Variants in XPO1 observed in about 807,000 individuals in gnomAD.
XPO1 encodes exportin-1.
A neutral mutation model predicts 133.3 loss-of-function variants in XPO1; 5 were observed. That is an observed-to-expected ratio of 0.04 (90% CI 0.02 to 0.08). The LOEUF is 0.08. Ranked by LOEUF, XPO1 falls within the 10% of genes least tolerant of loss-of-function variation. The pLI, the probability that XPO1 is intolerant of heterozygous loss-of-function variation, is 1.00. For missense variants in XPO1, 506 were observed against 1,267.5 expected (o/e 0.40, Z 9.12); for synonymous variants, 419 against 408.2 (o/e 1.03, Z -0.32).
chr2:61,516,132 A>T (rs928550456), intron 4 of XPO1, among the ~76,000 whole-genome samples: 5 of 135,036 alleles, frequency 3.7e-5, no homozygotes, highest in African/African-American at 1.5e-4. Flanking sequence ...TCGCAAAATT[A>T]AAAAAAAACA....
intron 3 of XPO1, chr2:61,525,661 A>C: frequency 9.8e-7 from 1 of 1,024,374 alleles, no homozygotes; most frequent in East Asian, 6.4e-5. Context: ...ACTTAAGGTT[A>C]GCACTTTGAG....
At position 61,495,509 on chromosome 2, in the gene XPO1, C is replaced by T. The variant is rs754469111; in HGVS notation, c.993G>A (p.Lys331=). The change falls in exon 11 of 25, where the codon AAG becomes AAA. Residue 331 remains lysine, a synonymous_variant. Transcript: ENST00000401558. ...TTTTTTCTATAAGTTGATCATGTTC[C>T]TTAAGAAAGGTGCAGAGAAACAAAC... The part of the protein sequence containing the change: ...NLSLFLCTFL[K]EHDQLIEKRL... The T allele has an allele frequency of 1.9e-6, 3 of 1,586,762 alleles. No homozygotes were observed. Among genetic ancestry groups the T allele is most frequent in the Admixed American group, 1.7e-5 (1 of 58,736 alleles).
chr2:61,526,538 A>G lies in XPO1; in HGVS notation c.127-17T>C. ...CATTCTTTGCTAAAATATTATTAAA[A>G]AAAACAAAACTTAAGCTAATGTATT... On this transcript the variant is annotated splice_polypyrimidine_tract_variant and intron_variant, in intron 2 of 24. Coordinates refer to ENST00000401558, the MANE Select transcript of XPO1 (RefSeq NM_003400.4). 6.5e-7 allele frequency: 1 copy of G among 1,542,884 alleles called. No homozygotes were observed. Among genetic ancestry groups the G allele is most frequent in the Non-Finnish European group, 8.7e-7 (1 of 1,152,520 alleles).
At chr2:61,518,488 G>A (rs1350943124) in intron 4 of XPO1, among the ~76,000 whole-genome samples, 2 of 149,556 alleles carry the variant, frequency 1.3e-5, no homozygotes, top group Non-Finnish European at 3.0e-5. Context: ...GTGGTGGCAG[G>A]CGCCTGCAGT....
Position 61,478,603 on chromosome 2 carries a change from A to C in XPO1, c.*217T>G. The C allele has an allele frequency of 2.0e-6, 1 of 496,072 alleles. No homozygotes were observed. The allele number at this position is 496,072 out of a possible 1,614,324, so 30.7% of individuals were successfully genotyped here. A position where few individuals can be genotyped will look rare whatever the true frequency, so the allele number is the denominator to read the frequency against. ...AATTTTTAAAAATGCCTTAATTTTC[A>C]ACTTCATGCAAACTAAATAAAGATG... On this transcript the variant is annotated 3_prime_UTR_variant, in exon 25 of 25. Transcript: ENST00000401558.
chr2:61,482,777 T>C (rs1332789778), intron 22 of XPO1, 180 bp downstream of exon 22: 5 of 802,606 alleles, frequency 6.2e-6, no homozygotes, highest in East Asian at 5.5e-5. Flanking sequence ...AGTATTTTTA[T>C]TGTATCTTTT....
chr2:61,530,305 T>A (rs1699094215), intron 2 of XPO1, among the ~76,000 whole-genome samples: 1 of 152,204 alleles, frequency 6.6e-6, no homozygotes, highest in African/African-American at 2.4e-5. Context: ...TGATGCTACT[T>A]CTAGTATTTG....
chr2:61,524,901 G>T (rs1341313671), intron 3 of XPO1, among the ~76,000 whole-genome samples: 1 of 152,104 alleles, frequency 6.6e-6, no homozygotes, highest in Non-Finnish European at 1.5e-5. Context: ...CTGGGCAACA[G>T]AGGTCCTGTC....
At chr2:61,524,903 G>GGTC (rs1698850593) in intron 3 of XPO1, among the ~76,000 whole-genome samples, 1 of 152,070 alleles carries the variant, frequency 6.6e-6, no homozygotes, top group African/African-American at 2.4e-5. Flanking sequence ...GGGCAACAGA[G>GGTC]GTCCTGTCTC....
chr2:61,487,694 G>A (rs550207813), intron 19 of XPO1, among the ~76,000 whole-genome samples: 33 of 152,258 alleles, frequency 2.2e-4, no homozygotes, highest in African/African-American at 7.7e-4. Context: ...TACGCAGCTG[G>A]TTTTTATTAC....
intron 16 of XPO1, among the ~76,000 whole-genome samples, chr2:61,491,103 T>C (rs1352472973): frequency 6.6e-6 from 1 of 152,024 alleles, no homozygotes; most frequent in South Asian, 2.1e-4. Context: ...GAGCCGAGAT[T>C]GCAATACTGC....
At chr2:61,528,768 T>TAA (rs1699028050) in intron 2 of XPO1, among the ~76,000 whole-genome samples, 1 of 91,436 alleles carries the variant, frequency 1.1e-5, no homozygotes, top group South Asian at 4.0e-4. Flanking sequence ...TATATATATA[T>TAA]ATATATATAT....
At chr2:61,493,662 G>GCCTAACGAAATTTGCCTAACGA in intron 12 of XPO1, 1 of 443,766 alleles carries the variant, frequency 2.3e-6, no homozygotes. Context: ...GGTGGCCAAT[G>GCCTAACGAAATTTGCCTAACGA]AATTTGCCTA....
At chr2:61,514,726 G>A (rs961534372) in intron 4 of XPO1, among the ~76,000 whole-genome samples, 1 of 151,980 alleles carries the variant, frequency 6.6e-6, no homozygotes, top group African/African-American at 2.4e-5. Context: ...ATACACTGCT[G>A]GTGAGACTGA....
intron 7 of XPO1, among the ~76,000 whole-genome samples, chr2:61,499,396 G>A (rs1697395070): frequency 6.6e-6 from 1 of 152,164 alleles, no homozygotes; most frequent in South Asian, 2.1e-4. Flanking sequence ...CCAGGCAATA[G>A]AGCAAGACTT....
intron 1 of XPO1, chr2:61,536,358 G>C (rs1463725360): frequency 6.6e-6 from 1 of 152,212 alleles, no homozygotes; most frequent in Non-Finnish European, 1.5e-5. Flanking sequence ...AAGCCATAGT[G>C]CGAGAGGTGT....
chr2:61,519,813 T>C (rs562244066), intron 4 of XPO1, among the ~76,000 whole-genome samples: 2 of 152,262 alleles, frequency 1.3e-5, no homozygotes, highest in African/African-American at 4.8e-5. Flanking sequence ...GAATCTAATT[T>C]TGGCATACTC....
chr2:61,488,402 AAAATAAGCT>A, intron 18 of XPO1, 131 bp from the exon 19 acceptor site: 1 of 1,205,874 alleles, frequency 8.3e-7, no homozygotes, highest in Non-Finnish European at 1.2e-6. Flanking sequence ...ATTTATTGGG[AAAATAAGCT>A]TTAAGACTAA....
Position 61,488,592 on chromosome 2 carries a change from A to T in XPO1, c.2202T>A (p.Ala734=). 1 of 1,613,390 alleles carries T rather than the reference A, an allele frequency of 6.2e-7. No homozygotes were observed. The highest frequency in any genetic ancestry group is 8.5e-7 in the Non-Finnish European group (1 of 1,179,538). The change falls in exon 18 of 25, where the codon GCT becomes GCA. Residue 734 remains alanine, a synonymous_variant. Transcript: ENST00000401558. The part of the protein sequence containing the change: ...LSENISAAIQ[A]NGEMVTKQPL... ...TAAGAAATCAGAATCACCTACCATT[A>T]GCTTGGATAGCTGCAGAAATATTTT...
Sources: allele counts gnomAD v4.1 joint callset (sites outside exome capture counted in the v4.1 genomes callset), GRCh38; gene constraint gnomAD v4.1.1; transcripts MANE v1.5; gene names NCBI Gene and HGNC (gene_info 2026-07-23, HGNC 2026-07-21).